The following CNBD1 variants were observed in gnomAD, a reference collection of about 807,000 sequenced individuals.
CNBD1 encodes cyclic nucleotide binding domain containing 1.
Under a neutral mutation model 54.4 loss-of-function variants are expected in CNBD1, and 71 were observed. The ratio of observed to expected loss-of-function variants is 1.30; its 90% CI spans 1.08 to 1.59. CNBD1 has a LOEUF of 1.59. Ranked by LOEUF, CNBD1 falls within the 40% of genes most tolerant of loss-of-function variation. The pLI is 0.00. For synonymous variants in CNBD1, 182 were observed against 170.7 expected, an observed-to-expected ratio of 1.07 and a Z score of -0.51; for missense variants, 659 against 518.0, an observed-to-expected ratio of 1.27 and a Z score of -2.64.
intron 2 of CNBD1, among the ~76,000 whole-genome samples, chr8:87,413,604 A>C (rs1320696858): frequency 6.6e-6 from 1 of 152,140 alleles, no homozygotes; most frequent in East Asian, 1.9e-4. Context: ...TACAGTGTAC[A>C]CACTTAGAAC....
chr8:86,976,423 G>T (rs1808344253), intron 4 of CNBD1, among the ~76,000 whole-genome samples: 2 of 151,782 alleles, frequency 1.3e-5, no homozygotes, highest in Admixed American at 6.6e-5. Flanking sequence ...TGAGATAAGG[G>T]TTCAACTTTA....
At chr8:87,348,699 C>T (rs955260533) in intron 8 of CNBD1, among the ~76,000 whole-genome samples, 1 of 152,166 alleles carries the variant, frequency 6.6e-6, no homozygotes, top group Non-Finnish European at 1.5e-5. Context: ...TTAATAATCT[C>T]TCTAATCATT....
intron 10 of CNBD1, among the ~76,000 whole-genome samples, chr8:87,377,246 C>A (rs1451189515): frequency 6.6e-6 from 1 of 151,208 alleles, no homozygotes; most frequent in Non-Finnish European, 1.5e-5. Context: ...TGGTGCGCTG[C>A]ACCCACTAAC....
chr8:86,900,389 C>A (rs910853370), intron 2 of CNBD1, among the ~76,000 whole-genome samples: 2 of 152,110 alleles, frequency 1.3e-5, no homozygotes, highest in Non-Finnish European at 2.9e-5. Flanking sequence ...GTCTTAATCG[C>A]ATTTAACATG....
intron 4 of CNBD1, among the ~76,000 whole-genome samples, chr8:86,943,027 T>G (rs571341372): frequency 6.6e-6 from 1 of 152,018 alleles, no homozygotes; most frequent in Admixed American, 6.6e-5. Flanking sequence ...TTTAAAACTT[T>G]TCACTTTGTC....
intron 2 of CNBD1, among the ~76,000 whole-genome samples, chr8:87,396,228 A>T (rs1811407205): frequency 6.6e-6 from 1 of 151,980 alleles, no homozygotes; most frequent in Non-Finnish European, 1.5e-5. Flanking sequence ...CTTATGAGAT[A>T]CTACAGTCTT....
chr8:87,357,639 G>C (rs1022463309), intron 10 of CNBD1, among the ~76,000 whole-genome samples: 1 of 152,130 alleles, frequency 6.6e-6, no homozygotes, highest in African/African-American at 2.4e-5. Flanking sequence ...GGTCTTACAG[G>C]CTCATAGGTG....
intron 6 of CNBD1, among the ~76,000 whole-genome samples, chr8:87,239,598 A>G (rs953220854): frequency 2.6e-5 from 4 of 152,180 alleles, no homozygotes; most frequent in African/African-American, 9.7e-5. Context: ...TCACTCTTCA[A>G]TTTCACCCTC....
rs1807827580 is a variant in CNBD1 at position 87,247,392 on chromosome 8, T to C, written c.771+10280T>C. 2.0e-5 allele frequency among the ~76,000 whole-genome samples: 3 copies of C among 152,214 alleles called. No individual in the cohort carries two copies. The South Asian group carries it at 6.2e-4, about 32-fold the overall frequency. On this transcript the variant is annotated intron_variant, in intron 6 of 10. Coordinates refer to ENST00000518476, the MANE Select transcript of CNBD1 (RefSeq NM_173538.3). ...AGTAAGACGGCCCTGGCTGTGTCTCTTTCAAAATCTTTACTAATATTTGAA... is the reference window on the plus strand; with the variant it reads ...AGTAAGACGGCCCTGGCTGTGTCTCCTTCAAAATCTTTACTAATATTTGAA...
chr8:86,978,016 A>G (rs1483837350), intron 4 of CNBD1, among the ~76,000 whole-genome samples: 1 of 152,172 alleles, frequency 6.6e-6, no homozygotes, highest in African/African-American at 2.4e-5. Context: ...TCAACAGTAC[A>G]TTAAAGAGAT....
chr8:86,929,245 C>G (rs1445213044), intron 3 of CNBD1, among the ~76,000 whole-genome samples: 2 of 152,158 alleles, frequency 1.3e-5, no homozygotes, highest in Non-Finnish European at 2.9e-5. Flanking sequence ...GGGGTTCCCT[C>G]AGAGGTAAGG....
intron 4 of CNBD1, among the ~76,000 whole-genome samples, chr8:87,086,789 T>C (rs570813395): frequency 3.3e-5 from 5 of 152,178 alleles, no homozygotes; most frequent in Non-Finnish European, 7.4e-5. Flanking sequence ...ATATTTCTTA[T>C]AGTAGGTATT....
At chr8:87,042,618 A>C (rs928094476) in intron 4 of CNBD1, among the ~76,000 whole-genome samples, 1 of 152,162 alleles carries the variant, frequency 6.6e-6, no homozygotes, top group Non-Finnish European at 1.5e-5. Flanking sequence ...CCCCTTTTGG[A>C]GAGTTTTCTG....
intron 5 of CNBD1, among the ~76,000 whole-genome samples, chr8:87,234,013 T>C (rs1807519047): frequency 6.6e-6 from 1 of 152,218 alleles, no homozygotes; most frequent in African/African-American, 2.4e-5. Flanking sequence ...GTAGATTTCA[T>C]CTAAAGAAAC....
chr8:87,083,468 C>G (rs760969164), intron 4 of CNBD1, among the ~76,000 whole-genome samples: 6 of 152,070 alleles, frequency 3.9e-5, no homozygotes, highest in African/African-American at 1.5e-4. Context: ...TCTATTGATC[C>G]CAGGTCTTCA....
chr8:87,232,004 A>C (rs1259623481), intron 5 of CNBD1, among the ~76,000 whole-genome samples: 1 of 152,182 alleles, frequency 6.6e-6, no homozygotes, highest in Non-Finnish European at 1.5e-5. Context: ...TGAATCATTT[A>C]AAACTTTGTA....
chr8:87,186,600 G>C (rs1042165959), intron 4 of CNBD1, among the ~76,000 whole-genome samples: 1 of 151,842 alleles, frequency 6.6e-6, no homozygotes, highest in Admixed American at 6.6e-5. Flanking sequence ...AATATAAGCA[G>C]CTCTTTATAT....
chr8:87,421,796 G>A (rs1807944296), intron 2 of CNBD1, among the ~76,000 whole-genome samples: 1 of 144,226 alleles, frequency 6.9e-6, no homozygotes, highest in Non-Finnish European at 1.5e-5. Context: ...ACCCAGTAAT[G>A]GGATGGCTGG....
intron 3 of CNBD1, among the ~76,000 whole-genome samples, chr8:86,937,319 A>AAGG (rs1232616578): frequency 6.6e-6 from 1 of 152,194 alleles, no homozygotes; most frequent in Non-Finnish European, 1.5e-5. Flanking sequence ...CGTGGGAATT[A>AAGG]AGGAGCTACA....
Sources: allele counts gnomAD v4.1 joint callset (sites outside exome capture counted in the v4.1 genomes callset), GRCh38; gene constraint gnomAD v4.1.1; transcripts MANE v1.5; gene names NCBI Gene and HGNC (gene_info 2026-07-23, HGNC 2026-07-21).